Variants in PASK observed in about 807,000 individuals in gnomAD.
The protein encoded by PASK is PAS domain containing serine/threonine kinase, also known as PAS domain-containing serine/threonine-protein kinase.
PASK carries 110 observed loss-of-function variants against 121.0 expected under a neutral mutation model. That is an observed-to-expected ratio of 0.91 (90% CI 0.78 to 1.06). The LOEUF is 1.06. Ranked by LOEUF, PASK falls within the 50% of genes least tolerant of loss-of-function variation. The pLI is 0.00. For synonymous variants in PASK, 686 were observed against 717.8 expected (o/e 0.96, Z 0.71); for missense variants, 1,643 against 1,702.3 (o/e 0.97, Z 0.61).
Position 241,106,658 on chromosome 2 carries a change from C to T in PASK, c.3880G>A (p.Ala1294Thr). Reference protein sequence around the residue: ...GNRSLSDVAQAQELCGGPVPG... With the variant: ...GNRSLSDVAQTQELCGGPVPG... ...ACGGGGCCCCCACAAAGCTCCTGAG[C>T]CTGGGCCACATCACTCAGGCTCCTG... Residue 1294 changes from alanine (A) to threonine (T), a missense_variant, in exon 18 of 18, where the codon GCT (alanine) becomes ACT (threonine). By Grantham distance (58) the Ala-to-Thr change is moderately conservative. Transcript: ENST00000234040. 1.2e-6 allele frequency: 2 copies of T among 1,614,198 alleles called. No homozygotes were observed. Among genetic ancestry groups the T allele is most frequent in the Non-Finnish European group, 1.7e-6 (2 of 1,179,992 alleles).
rs1012746409 is a variant in PASK at position 241,114,694 on chromosome 2, C to T, written c.3333+349G>A. On this transcript the variant is annotated intron_variant, in intron 14 of 17. Transcript: ENST00000234040. ...ACTTACAACCTGCAGGCCGCTGTGC[C>T]GCACACATGCCTTTGAGACGCTCTC... The T allele has an allele frequency of 1.4e-4, 184 of 1,301,002 alleles. 1 individual carries two copies. The African/African-American group carries it at 2.6e-3, about 18-fold the overall frequency. 80.6% of individuals were successfully genotyped at this position (1,301,002 alleles called of 1,614,324 possible).
At chr2:241,111,619 G>A (rs192826621) in intron 15 of PASK, among the ~76,000 whole-genome samples, 13 of 152,130 alleles carry the variant, frequency 8.5e-5, no homozygotes, top group Non-Finnish European at 4.4e-5. Context: ...AAAGTCCCCC[G>A]AGAGGAGGCC....
In PASK at chr2:241,126,685, T is replaced by C; in HGVS notation, c.2230A>G (p.Lys744Glu). 2 of 1,614,196 alleles carry C rather than the reference T, an allele frequency of 1.2e-6. No individual in the cohort carries two copies. The highest frequency in any genetic ancestry group is 2.2e-5 in the South Asian group (2 of 91,090). Residue 744 changes from lysine (K) to glutamate (E), a missense_variant, in exon 10 of 18, where the codon AAG becomes GAG. Lys to Glu is a moderately conservative substitution (Grantham distance 56, BLOSUM62 1). Transcript: ENST00000234040. ...GTCTGGTCACTGAAAAAGAGTTCCT[T>C]GAGGTTCCAGGAAAACGAATTCACA... ...VDVNSFSWNL[K>E]ELFFSDQTDQ... is the part of the protein sequence containing the mutation.
chr2:241,108,704 C>A lies in PASK; in HGVS notation c.3534-404G>T. The A allele has an allele frequency of 2.8e-6, 1 of 351,212 alleles. No homozygotes were observed. The highest frequency in any genetic ancestry group is 5.6e-6 in the Non-Finnish European group (1 of 178,874). The allele number at this position is 351,212 out of a possible 1,614,324, so 21.8% of individuals were successfully genotyped here. A position where few individuals can be genotyped will look rare whatever the true frequency, so the allele number is the denominator to read the frequency against. On this transcript the variant is annotated intron_variant, in intron 15 of 17. Coordinates refer to ENST00000234040, the MANE Select transcript of PASK (RefSeq NM_015148.4). The surrounding 1 kb of genome is among the most constrained non-coding windows in gnomAD (Gnocchi z 5.2). ...CACGTGCCCTTCAGACGTGATCAGG[C>A]ATGTTCACGATCTTGGTGTGAACGG...
rs753641772 is a variant in PASK, at chr2:241,124,112, C to T, written c.2741G>A (p.Arg914Gln). Reference protein sequence around the residue: ...LRLSIQFEVRRVELQGPTPLF... With the variant: ...LRLSIQFEVRQVELQGPTPLF... ...AGGTGTGGGGCCCTGGAGCTCCACC[C>T]GCCTCACCTCAAACTGTATACCTGA... Residue 914 changes from arginine (R) to glutamine (Q), a missense_variant, in exon 11 of 18, where the codon CGG (arginine) becomes CAG (glutamine). Physicochemically the swap from Arg to Gln is conservative, Grantham distance 43. Around this residue, in one of 3 missense-constraint regions of PASK, gnomAD observed 14 missense variants for 28.9 expected, o/e 0.48. Transcript: ENST00000234040. 3.7e-6 allele frequency: 6 copies of T among 1,613,912 alleles called. No individual in the cohort carries two copies. The highest frequency in any genetic ancestry group is 3.3e-5 in the South Asian group (3 of 91,044).
In PASK at chr2:241,108,400, GC is replaced by G; in HGVS notation, c.3534-101del. On this transcript the variant is annotated intron_variant, in intron 15 of 17. Transcript: ENST00000234040. The surrounding 1 kb of genome is among the most constrained non-coding windows in gnomAD (Gnocchi z 5.2). ...ATGGCCCTTCCCGACCAGCACACAG[GC>G]CAGGCAGTGGTTTCCCAAGAGGAGG... The G allele has an allele frequency of 8.2e-7, 1 of 1,221,652 alleles. No homozygotes were observed. Among genetic ancestry groups the G allele is most frequent in the Non-Finnish European group, 1.2e-6 (1 of 841,338 alleles). 75.7% of individuals were successfully genotyped at this position (1,221,652 alleles called of 1,614,324 possible).
intron 7 of PASK, 91 bp downstream of exon 7, chr2:241,136,913 G>A: frequency 8.1e-7 from 1 of 1,229,378 alleles, no homozygotes; most frequent in South Asian, 1.2e-5. Flanking sequence ...AGCTTGCCGG[G>A]TGCGAGGCCT....
chr2:241,140,969 A>G, intron 2 of PASK: 1 of 597,092 alleles, frequency 1.7e-6, no homozygotes, highest in Non-Finnish European at 3.0e-6. Context: ...AAGCACAAAC[A>G]GCATAAGATC....
intron 9 of PASK, among the ~76,000 whole-genome samples, chr2:241,132,548 A>AG (rs2066210744): frequency 6.7e-6 from 1 of 150,048 alleles, no homozygotes; most frequent in African/African-American, 2.4e-5. Flanking sequence ...AAAAAAAAAA[A>AG]AAAAAAGAAA....
intron 1 of PASK, among the ~76,000 whole-genome samples, chr2:241,143,802 G>A (rs1035381746): frequency 2.0e-5 from 3 of 152,220 alleles, no homozygotes; most frequent in Non-Finnish European, 4.4e-5. Context: ...CCGACCAGCT[G>A]TGCACAGAAT....
In PASK at chr2:241,114,180, AGAGG is replaced by A. The variant is rs940947482; in HGVS notation, c.3333+859_3333+862del. The stretch of plus-strand genomic sequence containing the variant: ...GAGGACGTCACCTTCCAACACAGGA[AGAGG>A]GAGAGAGGTGACCCTTTTTTGCAGA... On this transcript the variant is annotated intron_variant, in intron 14 of 17. Coordinates refer to ENST00000234040, the MANE Select transcript of PASK (RefSeq NM_015148.4). The A allele has an allele frequency of 4.1e-6, 4 of 977,972 alleles. No homozygotes were observed. In the African/African-American group the frequency reaches 7.0e-5, roughly 17 times the overall value. 60.6% of individuals were successfully genotyped at this position (977,972 alleles called of 1,614,324 possible).
At chr2:241,111,576 C>A (rs2310871) in intron 15 of PASK, among the ~76,000 whole-genome samples, 35,615 of 152,024 alleles carry the variant, frequency 0.23, 6,515 homozygotes, top group African/African-American at 0.5. Flanking sequence ...ACAAATGAAC[C>A]ACAATCTTCC....
Position 241,127,155 on chromosome 2 carries a change from C to G in PASK, c.1760G>C (p.Trp587Ser), listed in dbSNP as rs1293713316. ...GVSGPSGSDL[W>S]AGAAVAKPQA... ...GGGCTTGGCCACGGCAGCCCCAGCCCAAAGGTCTGAACCGCTGGGACCACT... is the reference window on the plus strand; with the variant it reads ...GGGCTTGGCCACGGCAGCCCCAGCCGAAAGGTCTGAACCGCTGGGACCACT... The change falls in exon 10 of 18, where the codon TGG (tryptophan) becomes TCG (serine). Residue 587 changes from tryptophan to serine, a missense_variant. Trp to Ser is a radical substitution (Grantham distance 177). Around this residue, in one of 3 missense-constraint regions of PASK, gnomAD observed 1,176 missense variants for 1,162.2 expected, o/e 1.01. Coordinates refer to ENST00000234040, the MANE Select transcript of PASK (RefSeq NM_015148.4). 6.2e-6 allele frequency: 10 copies of G among 1,614,038 alleles called. No homozygotes were observed. Among genetic ancestry groups the G allele is most frequent in the South Asian group, 3.3e-5 (3 of 91,084 alleles).
intron 10 of PASK, among the ~76,000 whole-genome samples, chr2:241,125,036 C>A (rs947785361): frequency 6.6e-6 from 1 of 151,960 alleles, no homozygotes; most frequent in Non-Finnish European, 1.5e-5. Context: ...CTCAGTGGCT[C>A]ACGCCTGTAA....
intron 8 of PASK, chr2:241,133,402 T>A (rs1432373299): frequency 5.5e-6 from 2 of 360,564 alleles, no homozygotes; most frequent in South Asian, 2.2e-5. Flanking sequence ...CCCTGCCATA[T>A]CTGAAGTATT....
intron 15 of PASK, among the ~76,000 whole-genome samples, chr2:241,111,220 G>C (rs905285667): frequency 6.6e-6 from 1 of 152,248 alleles, no homozygotes; most frequent in African/African-American, 2.4e-5. Context: ...CACCAGGTCA[G>C]GTGCAGCAGG....
chr2:241,128,535 G>A (rs186619669), intron 9 of PASK, among the ~76,000 whole-genome samples: 81 of 152,236 alleles, frequency 5.3e-4, no homozygotes, highest in Middle Eastern at 3.4e-3. Flanking sequence ...CACCTCACTC[G>A]GGGACAGACA....
upstream of PASK, chr2:241,150,111 GC>G: frequency 1.6e-6 from 2 of 1,260,098 alleles, no homozygotes; most frequent in Middle Eastern, 3.1e-4. Context: ...CTGGCCCGCG[GC>G]CCCTCCACGC....
chr2:241,127,873 A>G (rs1238699411), intron 9 of PASK: 1 of 298,234 alleles, frequency 3.4e-6, no homozygotes, highest in Non-Finnish European at 6.5e-6. Context: ...AAACTCCACA[A>G]CAGTAAAAAA....
Sources: allele counts gnomAD v4.1 joint callset (sites outside exome capture counted in the v4.1 genomes callset), GRCh38; gene constraint gnomAD v4.1.1; regional missense constraint gnomAD v4.1.1; non-coding constraint Gnocchi (gnomAD v3.1); transcripts MANE v1.5; gene names NCBI Gene and HGNC (gene_info 2026-07-23, HGNC 2026-07-21).